Variants in TEX26 observed in about 807,000 individuals in gnomAD.
The protein encoded by TEX26 is testis expressed 26.
Under a neutral mutation model 35.3 loss-of-function variants are expected in TEX26, and 34 were observed. The ratio of observed to expected loss-of-function variants is 0.96; its 90% CI spans 0.73 to 1.28. The LOEUF (loss-of-function observed/expected upper bound fraction) is 1.28, where lower values mean the gene tolerates loss of function less well. Among genes scored for constraint, TEX26 ranks in the 50% most tolerant of loss-of-function variants. TEX26 has a pLI of 0.00. For synonymous variants in TEX26, 136 were observed against 111.8 expected (o/e 1.22, Z -1.36); for missense variants, 371 against 330.1 (o/e 1.12, Z -0.96).
intron 1 of TEX26, among the ~76,000 whole-genome samples, chr13:30,938,144 G>T (rs1953341371): frequency 6.6e-6 from 1 of 152,094 alleles, no homozygotes; most frequent in Non-Finnish European, 1.5e-5. Context: ...TTCAACCAAG[G>T]TTCTCATGAC....
chr13:30,952,687 T>C lies in TEX26; in HGVS notation c.174T>C (p.Tyr58=), dbSNP rs1953973311. 1.9e-6 allele frequency: 3 copies of C among 1,606,754 alleles called. No individual in the cohort carries two copies. Among genetic ancestry groups the C allele is most frequent in the African/African-American group, 1.3e-5 (1 of 74,822 alleles). ...IRQNGIRRLG[Y]TYSLSDPILN... is the part of the protein sequence containing the mutation. ...AAAACGGTATCAGAAGATTAGGATA[T>C]ACATATTCACTTAGTGATCCTATTC... The change falls in exon 3 of 7, where the codon TAT becomes TAC. Residue 58 remains tyrosine (Y), a synonymous_variant. Coordinates refer to ENST00000380473, the MANE Select transcript of TEX26 (RefSeq NM_152325.3).
chr13:30,967,609 G>A (rs117093942), intron 5 of TEX26, among the ~76,000 whole-genome samples: 2 of 152,198 alleles, frequency 1.3e-5, no homozygotes, highest in Non-Finnish European at 2.9e-5. Context: ...TCAGGGTGCA[G>A]TGTCAAATCC....
chr13:30,956,754 C>A, intron 3 of TEX26, 119 bp from the exon 4 acceptor site: 1 of 888,718 alleles, frequency 1.1e-6, no homozygotes, highest in Non-Finnish European at 1.7e-6. Flanking sequence ...ATCCATGCAC[C>A]TGCAGTGGCA....
intron 1 of TEX26, 195 bp downstream of exon 1, chr13:30,932,971 A>T (rs111273758): frequency 0.014 from 7,663 of 546,476 alleles, 89 homozygotes; most frequent in African/African-American, 0.043. Flanking sequence ...AGTCCTTCGC[A>T]TAACCTTTGC....
intron 4 of TEX26, among the ~76,000 whole-genome samples, chr13:30,960,990 C>T (rs1384565229): frequency 6.6e-6 from 1 of 152,176 alleles, no homozygotes; most frequent in Non-Finnish European, 1.5e-5. Context: ...TTAGCTGGTA[C>T]TTGACTTAGG....
intron 1 of TEX26, among the ~76,000 whole-genome samples, chr13:30,935,307 C>A (rs538705903): frequency 5.9e-5 from 9 of 152,344 alleles, no homozygotes; most frequent in African/African-American, 2.2e-4. Context: ...CACCCTCTGA[C>A]CAGGGAGGGC....
At position 30,969,021 on chromosome 13, in the gene TEX26, G is replaced by C. The variant is rs138011587; in HGVS notation, c.783G>C (p.Glu261Asp). ...CATTTACTTCCTCTCAAGTCAAAGA[G>C]TACCTTCAGAGTCTTTCCTACAAAG... ...LNSFTSSQVK[E>D]YLQSLSYKDR... The change falls in exon 6 of 7, where the codon GAG (glutamate) becomes GAC (aspartate). Residue 261 changes from glutamate to aspartate, a missense_variant. Transcript: ENST00000380473. 11 of 1,613,774 alleles carry C rather than the reference G, an allele frequency of 6.8e-6. 1 individual carries two copies. The Middle Eastern group carries it at 6.6e-4, about 96-fold the overall frequency.
chr13:30,975,149 T>A lies in TEX26; in HGVS notation c.*242T>A, dbSNP rs1301666640. On this transcript the variant is annotated 3_prime_UTR_variant, in exon 7 of 7. Transcript: ENST00000380473. ...AGTTTTTGATACAATGTTTTTTTCTTTTCCCTTTTGGATACTTAATTTGTA... is the reference window on the plus strand; with the variant it reads ...AGTTTTTGATACAATGTTTTTTTCTATTCCCTTTTGGATACTTAATTTGTA... 3 of 289,284 alleles carry A rather than the reference T, an allele frequency of 1.0e-5. No individual in the cohort carries two copies. Among genetic ancestry groups the A allele is most frequent in the Non-Finnish European group, 1.9e-5 (3 of 157,678 alleles). The allele number at this position is 289,284 out of a possible 1,614,324, so 17.9% of individuals were successfully genotyped here.
chr13:30,972,552 A>C (rs1265237582), intron 6 of TEX26, among the ~76,000 whole-genome samples: 1 of 152,258 alleles, frequency 6.6e-6, no homozygotes, highest in Non-Finnish European at 1.5e-5. Context: ...TATCAATGAG[A>C]GGAAGCAGTC....
intron 6 of TEX26, 134 bp downstream of exon 6, chr13:30,969,180 A>C (rs1566168816): frequency 1.3e-5 from 11 of 836,212 alleles, no homozygotes; most frequent in Non-Finnish European, 1.8e-5. Context: ...AAAAAAAAAA[A>C]CTCATAGTGT....
chr13:30,960,564 A>T (rs1453309318), intron 4 of TEX26, among the ~76,000 whole-genome samples: 1 of 152,098 alleles, frequency 6.6e-6, no homozygotes, highest in African/African-American at 2.4e-5. Flanking sequence ...TTTACTTTTT[A>T]ATCTAGCTCT....
intron 2 of TEX26, among the ~76,000 whole-genome samples, chr13:30,948,269 T>C (rs980767224): frequency 6.6e-6 from 1 of 152,240 alleles, no homozygotes; most frequent in African/African-American, 2.4e-5. Flanking sequence ...ATGGGATGGC[T>C]GGATCAAATG....
Position 30,974,131 on chromosome 13 carries a change from A to AAAAAAAAT in TEX26, c.809-714_809-713insAAAAAATA. Among the ~76,000 whole-genome samples, 132 of 84,416 alleles carry AAAAAAAAT rather than the reference A, an allele frequency of 1.6e-3. 1 individual carries two copies. The highest frequency in any genetic ancestry group is 2.1e-3 in the African/African-American group (45 of 21,068). The allele number at this position is 84,416 out of a possible 152,430, so 55.4% of individuals were successfully genotyped here. A position where few individuals can be genotyped will look rare whatever the true frequency, so the allele number is the denominator to read the frequency against. On this transcript the variant is annotated intron_variant, in intron 6 of 6. Coordinates refer to ENST00000380473, the MANE Select transcript of TEX26 (RefSeq NM_152325.3). ...GTGAGCCTCCATCTAAAAAAAAAAA[A>AAAAAAAAT]ATATATATATATATATATATATATA...
At chr13:30,932,913 CG>C (rs113449090) in intron 1 of TEX26, 137 bp downstream of exon 1, 11,663 of 925,192 alleles carry the variant, frequency 0.013, 122 homozygotes, top group African/African-American at 0.042. Flanking sequence ...GAGGAAAAGA[CG>C]GGGAGTCAGG....
intron 1 of TEX26, among the ~76,000 whole-genome samples, chr13:30,936,245 AT>A (rs1445886643): frequency 1.3e-5 from 2 of 152,172 alleles, no homozygotes; most frequent in African/African-American, 2.4e-5. Context: ...ACTTTATAAT[AT>A]TTTTTAAGCT....
chr13:30,940,459 G>A (rs1024224656), intron 2 of TEX26, among the ~76,000 whole-genome samples: 4 of 146,664 alleles, frequency 2.7e-5, no homozygotes, highest in Admixed American at 1.4e-4. Flanking sequence ...TCAGCCTCCC[G>A]AGTAGCTGGG....
intron 2 of TEX26, among the ~76,000 whole-genome samples, chr13:30,945,014 A>G (rs185929636): frequency 6.6e-6 from 1 of 152,074 alleles, no homozygotes; most frequent in East Asian, 1.9e-4. Context: ...TTCTGTCTCA[A>G]TGATCTGTCT....
intron 2 of TEX26, among the ~76,000 whole-genome samples, chr13:30,949,561 A>C (rs1286630142): frequency 6.6e-6 from 1 of 152,110 alleles, no homozygotes; most frequent in African/African-American, 2.4e-5. Flanking sequence ...GACTATTAAA[A>C]GTAGACAAGG....
chr13:30,966,054 C>T (rs1364911347), intron 4 of TEX26, among the ~76,000 whole-genome samples, 168 bp from the exon 5 acceptor site: 1 of 152,162 alleles, frequency 6.6e-6, no homozygotes, highest in Non-Finnish European at 1.5e-5. Flanking sequence ...GAGACCACTT[C>T]TGATCATTTG....
Sources: gnomAD v4.1 joint callset for allele counts (sites outside exome capture counted in the v4.1 genomes callset) on GRCh38, gnomAD v4.1.1 for gene constraint, MANE v1.5 for transcripts, NCBI Gene and HGNC (gene_info 2026-07-23, HGNC 2026-07-21) for gene names.